Variants in SRGAP3 observed in about 807,000 individuals in gnomAD.
SRGAP3 encodes SLIT-ROBO Rho GTPase-activating protein 3.
SRGAP3 carries 39 observed loss-of-function variants against 121.1 expected under a neutral mutation model. The observed-to-expected ratio is 0.32, with a 90% CI of 0.25 to 0.42. SRGAP3 has a LOEUF of 0.42. Among genes scored for constraint, SRGAP3 ranks in the 10% least tolerant of loss-of-function variants. SRGAP3 has a pLI of 1.00. For missense variants in SRGAP3, 1,213 were observed against 1,470.6 expected, an observed-to-expected ratio of 0.82 and a Z score of 2.86; for synonymous variants, 601 against 570.0, an observed-to-expected ratio of 1.05 and a Z score of -0.77.
rs1273732201 is a variant in SRGAP3, at chr3:8,984,461, AATGAT to A, written c.*1053_*1057del. The A allele has an allele frequency of 8.6e-6, 2 of 232,318 alleles. No individual in the cohort carries two copies. The highest frequency in any genetic ancestry group is 6.1e-5 in the East Asian group (1 of 16,402). 14.4% of individuals were successfully genotyped at this position (232,318 alleles called of 1,614,324 possible). A position where few individuals can be genotyped will look rare whatever the true frequency, so the allele number is the denominator to read the frequency against. ...AAAAGAAAAAATTAAATAGTTTGAA[AATGAT>A]ATAAGTTAAACCTCTATAGTTACCA... On this transcript the variant is annotated 3_prime_UTR_variant, in exon 22 of 22. Transcript: ENST00000383836.
intron 3 of SRGAP3, 21 bp downstream of exon 3, chr3:9,104,659 T>C: frequency 3.7e-6 from 6 of 1,613,864 alleles, no homozygotes; most frequent in Non-Finnish European, 4.2e-6. Flanking sequence ...CTGGGACACG[T>C]AGAGCAGCCC....
chr3:9,206,040 A>T (rs1161400784), intron 1 of SRGAP3, among the ~76,000 whole-genome samples: 1 of 152,208 alleles, frequency 6.6e-6, no homozygotes, highest in East Asian at 1.9e-4. Flanking sequence ...AAGTTCTGAG[A>T]TGAATAGTGG....
At chr3:9,275,382 G>C (rs1273648078) in intron 3 of SRGAP3, among the ~76,000 whole-genome samples, 1 of 152,052 alleles carries the variant, frequency 6.6e-6, no homozygotes, top group Non-Finnish European at 1.5e-5. Context: ...CTGGTGTCTG[G>C]TTAATGGAGT....
At chr3:9,335,777 A>G (rs1442475613) in intron 1 of SRGAP3, among the ~76,000 whole-genome samples, 1 of 152,172 alleles carries the variant, frequency 6.6e-6, no homozygotes, top group Non-Finnish European at 1.5e-5. Context: ...AAGTTTATAA[A>G]ATATCAATGC....
chr3:9,029,535 A>G (rs1232070873), intron 12 of SRGAP3, among the ~76,000 whole-genome samples: 1 of 152,200 alleles, frequency 6.6e-6, no homozygotes, highest in Non-Finnish European at 1.5e-5. Context: ...CCTCTAGACC[A>G]CCATAATTGT....
At chr3:9,331,579 A>T (rs1056685830) in intron 1 of SRGAP3, among the ~76,000 whole-genome samples, 2 of 152,190 alleles carry the variant, frequency 1.3e-5, no homozygotes, top group Admixed American at 1.3e-4. Context: ...GACTAAAAAG[A>T]CTTGGCCACA....
chr3:9,287,445 T>A (rs889338317), intron 3 of SRGAP3, among the ~76,000 whole-genome samples: 3 of 152,248 alleles, frequency 2.0e-5, no homozygotes, highest in African/African-American at 7.2e-5. Flanking sequence ...TGGTGAATAA[T>A]ATTTTTGTTG....
At chr3:9,171,969 C>T (rs1486727558) in intron 1 of SRGAP3, among the ~76,000 whole-genome samples, 1 of 152,062 alleles carries the variant, frequency 6.6e-6, no homozygotes, top group African/African-American at 2.4e-5. Flanking sequence ...TTTCTCGTCT[C>T]CTGCCGTATC....
intron 1 of SRGAP3, among the ~76,000 whole-genome samples, chr3:9,352,124 C>G (rs2030203121): frequency 6.6e-6 from 1 of 152,126 alleles, no homozygotes; most frequent in African/African-American, 2.4e-5. Flanking sequence ...CTCCCCTGTC[C>G]TGCAGTTTTT....
intron 10 of SRGAP3, among the ~76,000 whole-genome samples, chr3:9,041,372 A>G (rs1945004334): frequency 6.6e-6 from 1 of 152,226 alleles, no homozygotes; most frequent in Non-Finnish European, 1.5e-5. Context: ...TTCTTATAAT[A>G]TCCCCTCTTC....
intron 1 of SRGAP3, among the ~76,000 whole-genome samples, chr3:9,344,094 C>G (rs977740304): frequency 2.0e-5 from 3 of 152,136 alleles, no homozygotes; most frequent in Admixed American, 1.3e-4. Flanking sequence ...CCAAGACGGG[C>G]AGATCACCTG....
chr3:9,234,389 C>T (rs1466492636), intron 1 of SRGAP3, among the ~76,000 whole-genome samples: 1 of 152,072 alleles, frequency 6.6e-6, no homozygotes, highest in Non-Finnish European at 1.5e-5. Flanking sequence ...TGGAGAACAG[C>T]CATGTCGCTT....
intron 18 of SRGAP3, among the ~76,000 whole-genome samples, chr3:9,006,398 C>CAAAAAAAAAAAA (rs71049762): frequency 8.1e-6 from 1 of 123,016 alleles, no homozygotes. Flanking sequence ...GACTCTGTCT[C>CAAAAAAAAAAAA]AAAAAAAAAA....
At chr3:9,323,737 T>C (rs762916082) in intron 3 of SRGAP3, among the ~76,000 whole-genome samples, 30 of 151,506 alleles carry the variant, frequency 2.0e-4, no homozygotes, top group Non-Finnish European at 4.0e-4. Context: ...TCTTCTTTAT[T>C]AAATTTTATG....
intron 4 of SRGAP3, among the ~76,000 whole-genome samples, chr3:9,076,159 C>T (rs1033810924): frequency 1.3e-5 from 2 of 152,154 alleles, no homozygotes; most frequent in Admixed American, 6.5e-5. Context: ...ACTGCAGCCA[C>T]AGGAGTGGCC....
At chr3:9,270,023 C>G (rs753674760) in intron 3 of SRGAP3, among the ~76,000 whole-genome samples, 95 of 152,204 alleles carry the variant, frequency 6.2e-4, no homozygotes, top group Non-Finnish European at 6.6e-4. Flanking sequence ...CTAGTCTACA[C>G]CCCCAGAGTT....
intron 3 of SRGAP3, among the ~76,000 whole-genome samples, chr3:9,297,095 G>C (rs899789857): frequency 6.6e-6 from 1 of 152,106 alleles, no homozygotes; most frequent in East Asian, 1.9e-4. Context: ...ATGTTTCCCA[G>C]GGTGGTCTTG....
At chr3:9,137,477 A>G (rs941163322) in intron 1 of SRGAP3, among the ~76,000 whole-genome samples, 1 of 152,228 alleles carries the variant, frequency 6.6e-6, no homozygotes, top group Non-Finnish European at 1.5e-5. Flanking sequence ...TATATTGGCT[A>G]GTACTTTGAA....
intron 1 of SRGAP3, among the ~76,000 whole-genome samples, chr3:9,179,210 G>A (rs1008556060): frequency 6.6e-6 from 1 of 152,156 alleles, no homozygotes; most frequent in African/African-American, 2.4e-5. Flanking sequence ...CCTTCCTACT[G>A]CCTTGTGTAA....
Sources: allele counts gnomAD v4.1 joint callset (sites outside exome capture counted in the v4.1 genomes callset), GRCh38; gene constraint gnomAD v4.1.1; transcripts MANE v1.5; gene names NCBI Gene and HGNC (gene_info 2026-07-23, HGNC 2026-07-21).